NR2F1-AS1: variants seen among roughly 807,000 people sequenced by gnomAD.
NR2F1-AS1 encodes NR2F1 regulatory antisense RNA 1, also known as NR2F1 antisense RNA 1.
At chr5:93,449,247 T>G (rs1749779746) in intron 4 of NR2F1-AS1, among the ~76,000 whole-genome samples, 1 of 152,168 alleles carries the variant, frequency 6.6e-6, no homozygotes, top group East Asian at 1.9e-4. Flanking sequence ...GGTTATATGC[T>G]AGATTACATC....
chr5:93,530,777 G>A (rs1254148325), intron 4 of NR2F1-AS1, among the ~76,000 whole-genome samples: 1 of 152,108 alleles, frequency 6.6e-6, no homozygotes, highest in Non-Finnish European at 1.5e-5. Flanking sequence ...TCAAATCCAT[G>A]ATAGTTTGGA....
intron 2 of NR2F1-AS1, among the ~76,000 whole-genome samples, chr5:93,562,195 A>AAAAAAAAAAAAAGAAAAGAAAAG (rs755007063): frequency 5.9e-5 from 8 of 136,658 alleles, no homozygotes; most frequent in African/African-American, 1.5e-4. Flanking sequence ...AAAAAAAAAA[A>AAAAAAAAAAAAAGAAAAGAAAAG]AAAAGAAAAG....
chr5:93,495,728 G>A (rs1162035892), intron 4 of NR2F1-AS1, among the ~76,000 whole-genome samples: 1 of 151,764 alleles, frequency 6.6e-6, no homozygotes, highest in Non-Finnish European at 1.5e-5. Context: ...AACATGATTT[G>A]TATATCATAT....
chr5:93,520,704 CAAAGG>C (rs1751483458), intron 4 of NR2F1-AS1, among the ~76,000 whole-genome samples: 1 of 151,858 alleles, frequency 6.6e-6, no homozygotes, highest in African/African-American at 2.4e-5. Context: ...AAAAACAAAA[CAAAGG>C]AAATTATTTA....
chr5:93,532,067 T>C (rs757492306), intron 4 of NR2F1-AS1, among the ~76,000 whole-genome samples: 1 of 152,164 alleles, frequency 6.6e-6, no homozygotes, highest in Admixed American at 6.5e-5. Context: ...ATAAGCTCAC[T>C]AATCAAAATA....
At chr5:93,494,224 T>C (rs1470568952) in intron 4 of NR2F1-AS1, among the ~76,000 whole-genome samples, 2 of 152,210 alleles carry the variant, frequency 1.3e-5, no homozygotes, top group African/African-American at 2.4e-5. Context: ...AAGAGATATA[T>C]AGATCTCTAG....
At chr5:93,568,793 A>T (rs566149650) in intron 1 of NR2F1-AS1, among the ~76,000 whole-genome samples, 1 of 152,146 alleles carries the variant, frequency 6.6e-6, no homozygotes, top group Non-Finnish European at 1.5e-5. Flanking sequence ...TGTTGCTGCT[A>T]CTGATGAACT....
At chr5:93,471,163 C>T (rs999668701) in intron 4 of NR2F1-AS1, among the ~76,000 whole-genome samples, 9 of 151,922 alleles carry the variant, frequency 5.9e-5, no homozygotes, top group African/African-American at 2.2e-4. Flanking sequence ...AAACTATATA[C>T]TGATCAACTG....
chr5:93,475,041 G>A (rs1439374327), intron 4 of NR2F1-AS1, among the ~76,000 whole-genome samples: 11 of 151,446 alleles, frequency 7.3e-5, no homozygotes, highest in Admixed American at 2.6e-4. Flanking sequence ...GGAGAATGGC[G>A]TGAACCTGGG....
chr5:93,489,685 G>A (rs1226973813), intron 4 of NR2F1-AS1, among the ~76,000 whole-genome samples: 4 of 152,092 alleles, frequency 2.6e-5, no homozygotes, highest in African/African-American at 9.7e-5. Context: ...AAAGCACTAT[G>A]CCTTTGCTCA....
At chr5:93,585,080 C>T (rs1197079076), upstream of NR2F1-AS1, 1 of 1,021,402 alleles carries the variant, frequency 9.8e-7, no homozygotes, top group Non-Finnish European at 1.2e-6. Flanking sequence ...CCGGGGGCAA[C>T]CCCGGCGGCC....
At chr5:93,447,134 T>C (rs907986872) in intron 4 of NR2F1-AS1, among the ~76,000 whole-genome samples, 17 of 152,122 alleles carry the variant, frequency 1.1e-4, no homozygotes, top group Non-Finnish European at 2.1e-4. Context: ...ATTCAGGACA[T>C]AGGCATGGGC....
At chr5:93,580,989 A>G (rs1399464069), upstream of NR2F1-AS1, 5 of 152,248 alleles carry the variant, frequency 3.3e-5, no homozygotes, top group Admixed American at 2.0e-4. Context: ...TCTGCTCTTT[A>G]AAATCATCGC....
intron 4 of NR2F1-AS1, among the ~76,000 whole-genome samples, chr5:93,428,733 C>A (rs1749246616): frequency 6.6e-6 from 1 of 152,182 alleles, no homozygotes; most frequent in Admixed American, 6.5e-5. Context: ...AGGTACTTCA[C>A]TTCTGATTAT....
chr5:93,466,186 CTCAT>C (rs573250723), intron 4 of NR2F1-AS1, among the ~76,000 whole-genome samples: 8 of 152,164 alleles, frequency 5.3e-5, no homozygotes, highest in Admixed American at 5.2e-4. Flanking sequence ...ACAATCTTTT[CTCAT>C]TCCACCCATT....
chr5:93,574,987 A>G (rs1449325317), intron 1 of NR2F1-AS1, among the ~76,000 whole-genome samples: 3 of 152,246 alleles, frequency 2.0e-5, no homozygotes, highest in Non-Finnish European at 4.4e-5. Flanking sequence ...ACCCAACTTC[A>G]AACTTTAGAA....
chr5:93,531,096 A>C (rs186412071), intron 4 of NR2F1-AS1, among the ~76,000 whole-genome samples: 1 of 152,318 alleles, frequency 6.6e-6, no homozygotes, highest in South Asian at 2.1e-4. Context: ...TTAATAAAAA[A>C]CAAATACAGA....
intron 4 of NR2F1-AS1, among the ~76,000 whole-genome samples, chr5:93,500,655 T>C (rs1751059210): frequency 6.6e-6 from 1 of 152,126 alleles, no homozygotes; most frequent in Non-Finnish European, 1.5e-5. Flanking sequence ...TTTTTTTTCT[T>C]GAAACAGGGT....
chr5:93,466,252 C>T (rs1285519312), intron 4 of NR2F1-AS1, among the ~76,000 whole-genome samples: 1 of 151,856 alleles, frequency 6.6e-6, no homozygotes, highest in African/African-American at 2.4e-5. Context: ...TATCCACCCA[C>T]TTTTGCCATC....
Sources: gnomAD v4.1 joint callset for allele counts (sites outside exome capture counted in the v4.1 genomes callset) on GRCh38, gnomAD v4.1.1 for gene constraint, MANE v1.5 for transcripts, NCBI Gene and HGNC (gene_info 2026-07-23, HGNC 2026-07-21) for gene names.